The following ZFHX3 variants were observed in gnomAD, a reference collection of about 807,000 sequenced individuals.
ZFHX3 encodes the protein zinc finger homeobox 3.
A neutral mutation model predicts 279.1 loss-of-function variants in ZFHX3; 42 were observed. That is an observed-to-expected ratio of 0.15 (90% CI 0.12 to 0.19). ZFHX3 has a LOEUF of 0.19. Among genes scored for constraint, ZFHX3 ranks in the 10% least tolerant of loss-of-function variants. The pLI, the probability that ZFHX3 is intolerant of heterozygous loss-of-function variation, is 1.00. For synonymous variants in ZFHX3, 2,293 were observed against 1,957.8 expected (o/e 1.17, Z -4.52); for missense variants, 4,981 against 4,754.0 (o/e 1.05, Z -1.40).
At chr16:72,789,098 C>T in intron 9 of ZFHX3, 1 of 417,848 alleles carries the variant, frequency 2.4e-6, no homozygotes, top group Non-Finnish European at 4.2e-6. Context: ...CAGAAGTATC[C>T]CACCAGGCTC....
At chr16:73,486,500 A>T (rs545099757) in intron 2 of ZFHX3, among the ~76,000 whole-genome samples, 1 of 152,368 alleles carries the variant, frequency 6.6e-6, no homozygotes, top group South Asian at 2.1e-4. Context: ...CTCCACCAGT[A>T]ACAGTATCAC....
At position 72,783,524 on chromosome 16, in the gene ZFHX3, GTTTTACTT is replaced by G. The variant is rs2143204555; in HGVS notation, c.*3632_*3639del. On this transcript the variant is annotated 3_prime_UTR_variant, in exon 10 of 10. Transcript: ENST00000268489. ...ACTCAGGTTTAAACACATGCCGTCTGTTTTACTTTATTTTCAATTGTGTAAAACTTTGG... is the reference window on the plus strand; with the variant it reads ...ACTCAGGTTTAAACACATGCCGTCTGTATTTTCAATTGTGTAAAACTTTGG... 1 of 152,278 alleles carries G rather than the reference GTTTTACTT, an allele frequency of 6.6e-6. No homozygotes were observed. The highest frequency in any genetic ancestry group is 2.4e-5 in the African/African-American group (1 of 41,306). The allele number at this position is 152,278 out of a possible 1,614,324, so 9.4% of individuals were successfully genotyped here.
In ZFHX3 at chr16:72,786,800, C is replaced by CA. The variant is rs1028824584; in HGVS notation, c.*363dup. 1 of 154,476 alleles carries CA rather than the reference C, an allele frequency of 6.5e-6. No individual in the cohort carries two copies. Among genetic ancestry groups the CA allele is most frequent in the Non-Finnish European group, 1.4e-5 (1 of 69,578 alleles). The allele number at this position is 154,476 out of a possible 1,614,324, so 9.6% of individuals were successfully genotyped here. Reference sequence around the variant, plus strand: ...TGCATGCCGGGCTCCTCTGTGCTATCAGCGTGGGGCGTTTATTGAAAAGGG... The same window carrying CA: ...TGCATGCCGGGCTCCTCTGTGCTATCAAGCGTGGGGCGTTTATTGAAAAGGG... On this transcript the variant is annotated 3_prime_UTR_variant, in exon 10 of 10. Transcript: ENST00000268489.
intron 5 of ZFHX3, among the ~76,000 whole-genome samples, chr16:73,243,551 C>A (rs1326372587): frequency 6.6e-6 from 1 of 152,212 alleles, no homozygotes; most frequent in Admixed American, 6.5e-5. Flanking sequence ...ATCCAACCCA[C>A]TAAGCTATTA....
chr16:73,171,138 T>C (rs1337336936), intron 5 of ZFHX3, among the ~76,000 whole-genome samples: 1 of 152,046 alleles, frequency 6.6e-6, no homozygotes, highest in East Asian at 1.9e-4. Flanking sequence ...TTTTTGCACT[T>C]TTTTTCTCTG....
At chr16:73,251,843 G>T (rs1267110306) in intron 5 of ZFHX3, among the ~76,000 whole-genome samples, 5 of 50,150 alleles carry the variant, frequency 1.0e-4, no homozygotes, top group Non-Finnish European at 3.6e-5. Context: ...CCATGCACAC[G>T]CACATACACA....
At chr16:73,871,096 T>C (rs1285365070) in intron 1 of ZFHX3, among the ~76,000 whole-genome samples, 1 of 152,196 alleles carries the variant, frequency 6.6e-6, no homozygotes, top group Admixed American at 6.5e-5. Flanking sequence ...CAATAGTGTT[T>C]ACAAGTTGTA....
intron 1 of ZFHX3, among the ~76,000 whole-genome samples, chr16:73,752,622 C>T (rs191208008): frequency 6.6e-6 from 1 of 152,238 alleles, no homozygotes; most frequent in East Asian, 1.9e-4. Context: ...TCTCCTTGGC[C>T]AACTCCTGAA....
chr16:73,165,011 C>G (rs943615268), intron 5 of ZFHX3, among the ~76,000 whole-genome samples: 6 of 152,192 alleles, frequency 3.9e-5, no homozygotes, highest in African/African-American at 1.4e-4. Flanking sequence ...CATGGGGATG[C>G]ATAATTTTGA....
upstream of ZFHX3, among the ~76,000 whole-genome samples, chr16:73,063,467 C>G (rs62055083): frequency 0.026 from 4,010 of 152,276 alleles, 51 homozygotes; most frequent in East Asian, 0.04. Flanking sequence ...GCGGGGTGCG[C>G]TTCTTCTGAG....
At chr16:72,799,650 A>C (rs772441838) in intron 8 of ZFHX3, among the ~76,000 whole-genome samples, 4 of 152,212 alleles carry the variant, frequency 2.6e-5, no homozygotes, top group Non-Finnish European at 5.9e-5. Context: ...AATCCAGTGT[A>C]CCTAAAAATC....
intron 3 of ZFHX3, among the ~76,000 whole-genome samples, chr16:73,373,331 GA>G (rs1470740024): frequency 2.0e-5 from 3 of 152,272 alleles, no homozygotes; most frequent in Non-Finnish European, 1.5e-5. Context: ...GATCAAATAG[GA>G]AGAGACCAAA....
intron 2 of ZFHX3, among the ~76,000 whole-genome samples, chr16:73,646,320 A>G (rs1446150350): frequency 6.6e-6 from 1 of 152,164 alleles, no homozygotes; most frequent in Non-Finnish European, 1.5e-5. Context: ...AGATGAGACA[A>G]TGAGGGTACC....
chr16:73,776,728 A>C (rs1420352943), intron 1 of ZFHX3, among the ~76,000 whole-genome samples: 1 of 152,150 alleles, frequency 6.6e-6, no homozygotes, highest in Non-Finnish European at 1.5e-5. Flanking sequence ...CTCTTTATAA[A>C]AGCTATCAGT....
rs142527814 is a variant in ZFHX3, at chr16:73,865,753, G to T, written c.-1608+25898C>A. ...CCAGCACTTTGAGAGGCCCAGGCAG[G>T]CAGATCACAAGGTCAGGAGATCAAG... On this transcript the variant is annotated intron_variant, in intron 1 of 17. Transcript: ENST00000641206. Among the ~76,000 whole-genome samples, 291 of 151,876 alleles carry T rather than the reference G, an allele frequency of 1.9e-3. 2 individuals carry two copies. Among genetic ancestry groups the T allele is most frequent in the South Asian group, 0.011 (53 of 4,794 alleles).
intron 1 of ZFHX3, among the ~76,000 whole-genome samples, chr16:73,019,158 G>C (rs968401940): frequency 6.6e-6 from 1 of 152,174 alleles, no homozygotes; most frequent in African/African-American, 2.4e-5. Context: ...CTATCACTAC[G>C]AGGCAAGGAC....
intron 4 of ZFHX3, among the ~76,000 whole-genome samples, chr16:73,309,639 A>G (rs565717651): frequency 6.6e-6 from 1 of 152,282 alleles, no homozygotes; most frequent in South Asian, 2.1e-4. Context: ...GCAGAGGAGT[A>G]TTATAATGGG....
intron 1 of ZFHX3, among the ~76,000 whole-genome samples, chr16:73,813,229 T>TTCTCTC (rs3082305): frequency 1.4e-5 from 2 of 147,736 alleles, no homozygotes; most frequent in Admixed American, 6.8e-5. Context: ...CTCTTTCTCT[T>TTCTCTC]TCTCTCTCTC....
intron 1 of ZFHX3, among the ~76,000 whole-genome samples, chr16:72,990,331 C>A (rs1321206582): frequency 6.6e-6 from 1 of 152,174 alleles, no homozygotes; most frequent in Admixed American, 6.5e-5. Context: ...AGAGAGAACA[C>A]AGAGTTTCGA....
Sources: allele counts gnomAD v4.1 joint callset (sites outside exome capture counted in the v4.1 genomes callset), GRCh38; gene constraint gnomAD v4.1.1; transcripts MANE v1.5; gene names NCBI Gene and HGNC (gene_info 2026-07-23, HGNC 2026-07-21).